The following HTR3B variants were observed in gnomAD, a reference collection of about 807,000 sequenced individuals.
HTR3B encodes 5-hydroxytryptamine (serotonin) receptor 3B, ionotropic.
A neutral mutation model predicts 42.8 loss-of-function variants in HTR3B; 44 were observed. That is an observed-to-expected ratio of 1.03 (90% confidence interval 0.81 to 1.32). HTR3B has a LOEUF of 1.32. Among genes scored for constraint, HTR3B ranks in the 40% most tolerant of loss-of-function variants. The probability of loss-of-function intolerance (pLI) is 0.00; values close to 1 mark genes in which losing one functional copy is unlikely to be tolerated. For synonymous variants in HTR3B, 203 were observed against 209.0 expected (o/e 0.97, Z 0.25); for missense variants, 527 against 536.5 (o/e 0.98, Z 0.17).
At chr11:113,924,370 C>G (rs1156244613) in intron 2 of HTR3B, among the ~76,000 whole-genome samples, 1 of 152,026 alleles carries the variant, frequency 6.6e-6, no homozygotes, top group South Asian at 2.1e-4. Context: ...AATCCTAGCA[C>G]TTTGGGAGGC....
intron 7 of HTR3B, 121 bp from the exon 8 acceptor site, chr11:113,944,452 G>A: frequency 1.2e-6 from 1 of 850,312 alleles, no homozygotes; most frequent in Non-Finnish European, 1.9e-6. Context: ...AGTGAGCCAT[G>A]ATTGCACCAC....
Position 113,943,037 on chromosome 11 carries a change from T to A in HTR3B, c.752T>A (p.Ile251Asn), listed in dbSNP as rs777003399. 3 of 1,613,930 alleles carry A rather than the reference T, an allele frequency of 1.9e-6. No individual in the cohort carries two copies. Among genetic ancestry groups the A allele is most frequent in the African/African-American group, 2.7e-5 (2 of 74,866 alleles). The part of the protein sequence containing the change: ...VYVVSLLIPS[I>N]FLMLVDLGSF... ...GTCGTGAGTCTGCTGATTCCTAGCA[T>A]CTTTCTCATGCTGGTGGACCTGGGG... The change falls in exon 7 of 9, where the codon ATC becomes AAC. Residue 251 changes from isoleucine to asparagine, a missense_variant. Ile to Asn is a moderately radical substitution (Grantham distance 149, BLOSUM62 -3). Transcript: ENST00000260191.
intron 2 of HTR3B, among the ~76,000 whole-genome samples, chr11:113,926,017 A>G (rs1949967710): frequency 6.6e-6 from 1 of 152,146 alleles, no homozygotes; most frequent in Non-Finnish European, 1.5e-5. Context: ...ATTAGCAGTC[A>G]CACCTCACAT....
Position 113,931,387 on chromosome 11 carries a change from G to A in HTR3B, c.217G>A (p.Ala73Thr), listed in dbSNP as rs756972733. ...GGATTTTCTTTTTGCCTTGCAGGAT[G>A]CAGAGAATCAAATATTAAAGACAAG... ...LFVHAILDVD[A>T]ENQILKTSVW... Residue 73 changes from alanine (A) to threonine (T), a missense_variant, in exon 3 of 9, where the codon GCA becomes ACA. By Grantham distance (58) the Ala-to-Thr change is moderately conservative (BLOSUM62 0). Transcript: ENST00000260191. 2 of 1,599,332 alleles carry A rather than the reference G, an allele frequency of 1.3e-6. No individual in the cohort carries two copies. The highest frequency in any genetic ancestry group is 1.7e-6 in the Non-Finnish European group (2 of 1,171,430).
chr11:113,939,892 T>TG (rs1481067780), intron 6 of HTR3B, among the ~76,000 whole-genome samples: 1 of 150,960 alleles, frequency 6.6e-6, no homozygotes, highest in Non-Finnish European at 1.5e-5. Context: ...CTTGGTGTTT[T>TG]TTTTTTTTTT....
chr11:113,930,487 C>CTT (rs528919776), intron 2 of HTR3B, among the ~76,000 whole-genome samples: 150 of 121,918 alleles, frequency 1.2e-3, no homozygotes, highest in Middle Eastern at 4.5e-3. Context: ...TTTCTTTTCT[C>CTT]TTTTTTTTTT....
At chr11:113,906,295 G>A (rs1046137086) in intron 1 of HTR3B, among the ~76,000 whole-genome samples, 4 of 152,100 alleles carry the variant, frequency 2.6e-5, no homozygotes, top group Non-Finnish European at 2.9e-5. Flanking sequence ...GTAAGAGCAC[G>A]GAACCAATCC....
chr11:113,911,062 G>A (rs978217961), intron 2 of HTR3B, among the ~76,000 whole-genome samples: 15 of 146,890 alleles, frequency 1.0e-4, no homozygotes, highest in East Asian at 2.1e-4. Context: ...TCCTGACCTC[G>A]TGATCCATCT....
At position 113,909,419 on chromosome 11, in the gene HTR3B, C is replaced by G; in HGVS notation, c.177C>G (p.Val59=). The change falls in exon 2 of 9, where the codon GTC becomes GTG. Residue 59 remains valine, a synonymous_variant. Transcript: ENST00000260191. ...ACAACTGGACCAAGGCCACCACAGTCTACCTGGACCTGTTCGTCCATGCTA... is the reference window on the plus strand; with the variant it reads ...ACAACTGGACCAAGGCCACCACAGTGTACCTGGACCTGTTCGTCCATGCTA... ...PVYNWTKATT[V]YLDLFVHAIL... The G allele has an allele frequency of 6.2e-7, 1 of 1,614,132 alleles. No homozygotes were observed. Among genetic ancestry groups the G allele is most frequent in the African/African-American group, 1.3e-5 (1 of 75,054 alleles).
At chr11:113,943,839 AAG>A (rs1241080026) in intron 7 of HTR3B, among the ~76,000 whole-genome samples, 1 of 151,416 alleles carries the variant, frequency 6.6e-6, no homozygotes, top group Non-Finnish European at 1.5e-5. Context: ...AAGGGAGAGA[AAG>A]AGAGAAAAAG....
intron 2 of HTR3B, among the ~76,000 whole-genome samples, chr11:113,914,258 A>G (rs768799627): frequency 5.9e-5 from 9 of 151,838 alleles, no homozygotes; most frequent in Non-Finnish European, 7.4e-5. Flanking sequence ...ACCTGAGGTC[A>G]GGAGTTTGAG....
At position 113,937,525 on chromosome 11, in the gene HTR3B, G is replaced by A. The variant is rs1303048854; in HGVS notation, c.696+4432G>A. On this transcript the variant is annotated intron_variant, in intron 6 of 8. Transcript: ENST00000260191. The stretch of plus-strand genomic sequence containing the variant: ...AAGCTGAGCACTTAGCCTATGCCAA[G>A]CACCATTTTAAAGTTTGTACCTATA... Among the ~76,000 whole-genome samples, 3 of 152,208 alleles carry A rather than the reference G, an allele frequency of 2.0e-5. No homozygotes were observed. In the East Asian group the frequency reaches 5.8e-4, roughly 29 times the overall value.
At chr11:113,917,641 T>C (rs985859053) in intron 2 of HTR3B, among the ~76,000 whole-genome samples, 3 of 151,572 alleles carry the variant, frequency 2.0e-5, no homozygotes, top group Admixed American at 6.6e-5. Context: ...GACAGTATTT[T>C]ACTCTGTCTC....
chr11:113,937,282 G>A (rs539125030), intron 6 of HTR3B, among the ~76,000 whole-genome samples: 22 of 152,288 alleles, frequency 1.4e-4, no homozygotes, highest in African/African-American at 5.3e-4. Flanking sequence ...CAAGAGGATA[G>A]CCTCCATTCA....
intron 2 of HTR3B, among the ~76,000 whole-genome samples, chr11:113,928,814 G>T (rs561258810): frequency 6.6e-6 from 1 of 152,232 alleles, no homozygotes; most frequent in African/African-American, 2.4e-5. Flanking sequence ...TGGGATTACA[G>T]GCGTGAGCCA....
intron 2 of HTR3B, among the ~76,000 whole-genome samples, chr11:113,930,026 G>A (rs118031603): frequency 0.03 from 4,633 of 152,204 alleles, 128 homozygotes; most frequent in Admixed American, 0.057. Context: ...GCGAGCCACC[G>A]CACCCGGCCT....
chr11:113,930,331 C>G (rs1359299023), intron 2 of HTR3B, among the ~76,000 whole-genome samples: 4 of 151,946 alleles, frequency 2.6e-5, no homozygotes, highest in Non-Finnish European at 5.9e-5. Context: ...AGTTTAAGCT[C>G]TTACATTTGG....
At chr11:113,940,026 A>G (rs989953584) in intron 6 of HTR3B, among the ~76,000 whole-genome samples, 26 of 151,990 alleles carry the variant, frequency 1.7e-4, no homozygotes, top group African/African-American at 6.3e-4. Context: ...AGCTGGGACT[A>G]CAGGCACATG....
intron 1 of HTR3B, among the ~76,000 whole-genome samples, chr11:113,907,578 C>G (rs1335258149): frequency 6.6e-6 from 1 of 152,142 alleles, no homozygotes; most frequent in Non-Finnish European, 1.5e-5. Flanking sequence ...GTCCTAGCTT[C>G]CAGAACTTTC....
Sources: gnomAD v4.1 joint callset for allele counts (sites outside exome capture counted in the v4.1 genomes callset) on GRCh38, gnomAD v4.1.1 for gene constraint, MANE v1.5 for transcripts, NCBI Gene and HGNC (gene_info 2026-07-23, HGNC 2026-07-21) for gene names.